The following NFIX variants were observed in gnomAD, a reference collection of about 807,000 sequenced individuals.
The protein encoded by NFIX is nuclear factor 1 X-type.
A neutral mutation model predicts 53.3 loss-of-function variants in NFIX; 2 were observed. The ratio of observed to expected loss-of-function variants is 0.04; its 90% CI spans 0.02 to 0.12. NFIX has a LOEUF of 0.12. NFIX is among the 10% of genes least tolerant of loss of function. The pLI is 1.00. For missense variants in NFIX, 310 were observed against 674.5 expected, an observed-to-expected ratio of 0.46 and a Z score of 5.99; for synonymous variants, 244 against 289.0, an observed-to-expected ratio of 0.84 and a Z score of 1.58.
At chr19:13,077,728 C>T (rs1667461690) in intron 6 of NFIX, among the ~76,000 whole-genome samples, 2 of 152,242 alleles carry the variant, frequency 1.3e-5, no homozygotes, top group African/African-American at 4.8e-5. Context: ...AGCCTGGGCA[C>T]AACCTTAAAG....
At chr19:13,076,039 C>T (rs757863579) in intron 6 of NFIX, among the ~76,000 whole-genome samples, 3 of 152,200 alleles carry the variant, frequency 2.0e-5, no homozygotes. Flanking sequence ...GGGGGCTCAT[C>T]ATTCTGTGTA....
intron 2 of NFIX, among the ~76,000 whole-genome samples, chr19:13,055,746 G>A (rs1005777396): frequency 6.6e-6 from 1 of 152,186 alleles, no homozygotes; most frequent in Admixed American, 6.5e-5. Context: ...GGCTCGGCTG[G>A]CCCCAGGTTC....
chr19:13,064,187 TG>T (rs1345549014), intron 2 of NFIX, among the ~76,000 whole-genome samples: 1 of 152,146 alleles, frequency 6.6e-6, no homozygotes, highest in Non-Finnish European at 1.5e-5. Context: ...CTTCAGGGGC[TG>T]GGGGCCGCTT....
chr19:13,000,764 C>T (rs2011648954), intron 1 of NFIX, among the ~76,000 whole-genome samples: 1 of 152,190 alleles, frequency 6.6e-6, no homozygotes, highest in Non-Finnish European at 1.5e-5. Flanking sequence ...TGGGCGTTGT[C>T]ACCTGGACCC....
At chr19:13,054,387 G>A (rs1438994866) in intron 2 of NFIX, among the ~76,000 whole-genome samples, 1 of 152,194 alleles carries the variant, frequency 6.6e-6, no homozygotes, top group Non-Finnish European at 1.5e-5. Flanking sequence ...GCCGCAGAGT[G>A]GAAGAGGCAG....
At chr19:13,033,318 G>A (rs2013953960) in intron 2 of NFIX, among the ~76,000 whole-genome samples, 1 of 152,144 alleles carries the variant, frequency 6.6e-6, no homozygotes, top group Admixed American at 6.5e-5. Flanking sequence ...CCCTTACTTT[G>A]TCTATAATGG....
At chr19:13,074,138 A>G in intron 5 of NFIX, 112 bp downstream of exon 5, 2 of 1,378,470 alleles carry the variant, frequency 1.5e-6, no homozygotes, top group South Asian at 2.6e-5. Context: ...TCAGAATGTC[A>G]CCTCTCTCAT....
chr19:13,019,727 G>GTTTTTTTT (rs201956443), intron 1 of NFIX, among the ~76,000 whole-genome samples: 1 of 124,030 alleles, frequency 8.1e-6, no homozygotes, highest in African/African-American at 3.3e-5. Flanking sequence ...TTTTTTGTTT[G>GTTTTTTTT]TTTGTTTTTT....
intron 2 of NFIX, among the ~76,000 whole-genome samples, chr19:13,034,047 TGGCAGAAGG>T (rs947147596): frequency 3.9e-5 from 6 of 152,194 alleles, no homozygotes; most frequent in African/African-American, 1.4e-4. Flanking sequence ...GATGAGTTTC[TGGCAGAAGG>T]GGCCGGCTTC....
rs748520741 is a variant in NFIX at position 13,045,462 on chromosome 19, C to T, written c.559+19910C>T. Among the ~76,000 whole-genome samples the T allele has an allele frequency of 1.1e-4, 16 of 152,018 alleles. No individual in the cohort carries two copies. The highest frequency in any genetic ancestry group is 1.3e-4 in the Non-Finnish European group (9 of 67,998). ...GCTGTCCTACACTGCACAAGACGAC[C>T]CCCCATAGAAGACAGTATCTAGCCC... On this transcript the variant is annotated intron_variant, in intron 2 of 10. Coordinates refer to ENST00000592199, the MANE Select transcript of NFIX (RefSeq NM_001365902.3). The surrounding 1 kb of genome is among the most constrained non-coding windows in gnomAD (Gnocchi z 4.4).
intron 6 of NFIX, among the ~76,000 whole-genome samples, chr19:13,077,271 C>T (rs2017165532): frequency 1.3e-5 from 2 of 152,192 alleles, no homozygotes; most frequent in Admixed American, 1.3e-4. Flanking sequence ...GCTTTTGCGC[C>T]TGCCATTTCT....
chr19:13,054,842 G>A (rs2015549521), intron 2 of NFIX, among the ~76,000 whole-genome samples: 1 of 152,128 alleles, frequency 6.6e-6, no homozygotes, highest in African/African-American at 2.4e-5. Flanking sequence ...GTCAGCAGAT[G>A]CACACCCTTC....
chr19:13,024,392 A>C, intron 1 of NFIX: 1 of 785,448 alleles, frequency 1.3e-6, no homozygotes, highest in Non-Finnish European at 1.5e-6. Flanking sequence ...GTTGGGGTGG[A>C]TGTTCCAACT....
At position 13,098,263 on chromosome 19, in the gene NFIX, TCCCCC is replaced by T. The variant is rs1227770266; in HGVS notation, c.*3617_*3621del. The T allele has an allele frequency of 6.0e-5, 1 of 16,676 alleles. No individual in the cohort carries two copies. Among genetic ancestry groups the T allele is most frequent in the Admixed American group, 5.6e-4 (1 of 1,774 alleles). 1.0% of individuals were successfully genotyped at this position (16,676 alleles called of 1,614,324 possible). A position where few individuals can be genotyped will look rare whatever the true frequency, so the allele number is the denominator to read the frequency against. ...AGGGGCACCCCAGCCCCGCCTCTGCTCCCCCCCACCCCACCCACCCTCGGGGCGCC... is the reference window on the plus strand; with the variant it reads ...AGGGGCACCCCAGCCCCGCCTCTGCTCCACCCCACCCACCCTCGGGGCGCC... On this transcript the variant is annotated 3_prime_UTR_variant, in exon 11 of 11. Transcript: ENST00000592199.
At position 13,067,200 on chromosome 19, in the gene NFIX, C is replaced by T. The variant is rs573361957; in HGVS notation, c.560-5847C>T. ...CCAGTGATTGGCCCCAGAATCGCAT[C>T]AGCCCTTCAGAGGATGGGGTGTTGC... On this transcript the variant is annotated intron_variant, in intron 2 of 10. Coordinates refer to ENST00000592199, the MANE Select transcript of NFIX (RefSeq NM_001365902.3). This position sits in a 1 kb window ranked among gnomAD's most constrained non-coding sequence, Gnocchi z 4.2. 1.4e-4 allele frequency among the ~76,000 whole-genome samples: 21 copies of T among 152,178 alleles called. 1 individual carries two copies. The South Asian group carries it at 4.1e-3, about 30-fold the overall frequency.
chr19:13,025,526 A>T lies in NFIX; in HGVS notation c.533A>T (p.Tyr178Phe). ...GTCACAATCAAAGAACTGGATCTTT[A>T]TCTGGCTTACTTTGTCCACACTCCG... ...IGVTIKELDL[Y>F]LAYFVHTPES... Residue 178 changes from tyrosine to phenylalanine, a missense_variant, in exon 2 of 11, where the codon TAT (tyrosine) becomes TTT (phenylalanine). Transcript: ENST00000592199. The surrounding 1 kb of genome is among the most constrained non-coding windows in gnomAD (Gnocchi z 7.5). 6.2e-7 allele frequency: 1 copy of T among 1,613,258 alleles called. No homozygotes were observed. Among genetic ancestry groups the T allele is most frequent in the Non-Finnish European group, 8.5e-7 (1 of 1,179,510 alleles).
At position 13,090,763 on chromosome 19, in the gene NFIX, C is replaced by A. The variant is rs1291990469; in HGVS notation, c.1494+373C>A. Reference sequence around the variant, plus strand: ...TTTCACCTGCCCCGACTGGAAGCCCCGGCCCCTAGCCCTCCCCTTTCCCCT... The same window carrying A: ...TTTCACCTGCCCCGACTGGAAGCCCAGGCCCCTAGCCCTCCCCTTTCCCCT... On this transcript the variant is annotated intron_variant, in intron 10 of 10. Transcript: ENST00000592199. The surrounding 1 kb of genome is among the most constrained non-coding windows in gnomAD (Gnocchi z 6.6). Among the ~76,000 whole-genome samples, 1 of 152,184 alleles carries A rather than the reference C, an allele frequency of 6.6e-6. No homozygotes were observed. The highest frequency in any genetic ancestry group is 1.9e-4 in the East Asian group (1 of 5,190).
chr19:13,088,186 T>C lies in NFIX; in HGVS notation c.1402+50T>C. 1.3e-6 allele frequency: 2 copies of C among 1,531,248 alleles called. No individual in the cohort carries two copies. The highest frequency in any genetic ancestry group is 8.7e-7 in the Non-Finnish European group (1 of 1,143,182). The allele number at this position is 1,531,248 out of a possible 1,614,324, so 94.9% of individuals were successfully genotyped here. On this transcript the variant is annotated intron_variant, in intron 9 of 10. Coordinates refer to ENST00000592199, the MANE Select transcript of NFIX (RefSeq NM_001365902.3). This position sits in a 1 kb window ranked among gnomAD's most constrained non-coding sequence, Gnocchi z 5.9. ...CACAACGCCCAGCGTCCCCGGCCCG[T>C]CCAAACAGTCTCCACTGCAAAAAGA...
chr19:13,073,120 C>G lies in NFIX; in HGVS notation c.622+11C>G. 1 of 1,613,638 alleles carries G rather than the reference C, an allele frequency of 6.2e-7. No homozygotes were observed. The highest frequency in any genetic ancestry group is 8.5e-7 in the Non-Finnish European group (1 of 1,179,544). ...AACCACTGCCCAACGGTCAGTGCCC[C>G]CCACCTGCCCAGCTGCCCTTATCCT... On this transcript the variant is annotated intron_variant, in intron 3 of 10. Coordinates refer to ENST00000592199, the MANE Select transcript of NFIX (RefSeq NM_001365902.3). This position sits in a 1 kb window ranked among gnomAD's most constrained non-coding sequence, Gnocchi z 4.5.
Sources: gnomAD v4.1 joint callset for allele counts (sites outside exome capture counted in the v4.1 genomes callset) on GRCh38, gnomAD v4.1.1 for gene constraint, Gnocchi (gnomAD v3.1) non-coding constraint, MANE v1.5 for transcripts, NCBI Gene and HGNC (gene_info 2026-07-23, HGNC 2026-07-21) for gene names.